The following RXRA variants were observed in gnomAD, a reference collection of about 807,000 sequenced individuals.
RXRA encodes retinoid X receptor alpha.
A neutral mutation model predicts 44.5 loss-of-function variants in RXRA; 5 were observed. The observed-to-expected ratio is 0.11, with a 90% CI of 0.06 to 0.24. The LOEUF is 0.24. Ranked by LOEUF, RXRA falls within the 10% of genes least tolerant of loss-of-function variation. The pLI, the probability that RXRA is intolerant of heterozygous loss-of-function variation, is 1.00. For missense variants in RXRA, 412 were observed against 646.5 expected, an observed-to-expected ratio of 0.64 and a Z score of 3.93; for synonymous variants, 291 against 271.4, an observed-to-expected ratio of 1.07 and a Z score of -0.71.
At chr9:134,402,168 T>G in intron 2 of RXRA, 95 of 466,936 alleles carry the variant, frequency 2.0e-4, no homozygotes, top group Middle Eastern at 5.6e-4. Context: ...GGACTCCCTG[T>G]TCCCATGACT....
At chr9:134,428,936 G>A (rs1459057084) in intron 6 of RXRA, among the ~76,000 whole-genome samples, 172 bp from the exon 7 acceptor site, 1 of 152,196 alleles carries the variant, frequency 6.6e-6, no homozygotes, top group African/African-American at 2.4e-5. Flanking sequence ...ACTGTAGAAC[G>A]GGCATTCTCA....
intron 1 of RXRA, among the ~76,000 whole-genome samples, chr9:134,390,429 G>T (rs1830782915): frequency 6.6e-6 from 1 of 152,204 alleles, no homozygotes; most frequent in African/African-American, 2.4e-5. Flanking sequence ...GACAGTGGGT[G>T]GGGGGCCAGG....
chr9:134,425,053 T>A (rs2119195263), intron 6 of RXRA: 3 of 985,434 alleles, frequency 3.0e-6, no homozygotes, highest in South Asian at 9.4e-5. Flanking sequence ...CCCACCATCG[T>A]GAGAGCCATT....
chr9:134,368,285 C>T (rs910273818), intron 1 of RXRA, among the ~76,000 whole-genome samples: 4 of 152,356 alleles, frequency 2.6e-5, no homozygotes, highest in Non-Finnish European at 5.9e-5. Flanking sequence ...AGCCAGGTGC[C>T]TGTGAGGTGC....
intron 7 of RXRA, among the ~76,000 whole-genome samples, chr9:134,430,935 C>G (rs924409448): frequency 6.6e-6 from 1 of 152,248 alleles, no homozygotes; most frequent in African/African-American, 2.4e-5. Context: ...CCCCATCCCT[C>G]TGCAGCTGTG....
chr9:134,367,970 G>C (rs564628381), intron 1 of RXRA, among the ~76,000 whole-genome samples: 1 of 152,360 alleles, frequency 6.6e-6, no homozygotes, highest in East Asian at 1.9e-4. Context: ...GGAGATGCTC[G>C]GCCGATAAGC....
intron 1 of RXRA, among the ~76,000 whole-genome samples, chr9:134,398,884 G>T (rs555456151): frequency 6.6e-6 from 1 of 152,368 alleles, no homozygotes; most frequent in East Asian, 1.9e-4. Context: ...TCCCTGCATG[G>T]CCCGGCCTCC....
At chr9:134,333,966 A>C (rs561202697) in intron 1 of RXRA, among the ~76,000 whole-genome samples, 5 of 152,340 alleles carry the variant, frequency 3.3e-5, no homozygotes, top group African/African-American at 1.2e-4. Context: ...GGTGCCCAGC[A>C]GCCCCCTTGG....
intron 6 of RXRA, chr9:134,422,658 C>T (rs1401049879): frequency 4.2e-5 from 41 of 982,420 alleles, no homozygotes; most frequent in Non-Finnish European, 4.8e-5. Context: ...TCCCCACTCC[C>T]CGGACACTCC....
rs1294402174 is a variant in RXRA, at chr9:134,349,374, C to T, written c.28+22715C>T. On this transcript the variant is annotated intron_variant, in intron 1 of 9. Coordinates refer to ENST00000481739, the MANE Select transcript of RXRA (RefSeq NM_002957.6). This position sits in a 1 kb window ranked among gnomAD's most constrained non-coding sequence, Gnocchi z 4.3. ...TGGAGGGCTTCGCCGAGCTTGGTGGCAGGGAGGGAAGGCCTCTCCACGGGG... is the reference window on the plus strand; with the variant it reads ...TGGAGGGCTTCGCCGAGCTTGGTGGTAGGGAGGGAAGGCCTCTCCACGGGG... Among the ~76,000 whole-genome samples the T allele has an allele frequency of 6.6e-6, 1 of 152,148 alleles. No homozygotes were observed. Among genetic ancestry groups the T allele is most frequent in the East Asian group, 1.9e-4 (1 of 5,176 alleles).
chr9:134,404,138 C>G (rs1159861604), intron 2 of RXRA: 1 of 152,272 alleles, frequency 6.6e-6, no homozygotes, highest in East Asian at 1.9e-4. Context: ...AAAACCACAA[C>G]CGCAAAGTCA....
intron 6 of RXRA, chr9:134,424,224 C>T (rs1190629523): frequency 3.0e-6 from 3 of 985,266 alleles, no homozygotes; most frequent in Non-Finnish European, 3.6e-6. Context: ...GTGGGGGCTC[C>T]CCGCAAGGCC....
intron 1 of RXRA, among the ~76,000 whole-genome samples, chr9:134,346,889 C>T (rs941981228): frequency 2.6e-5 from 4 of 152,174 alleles, no homozygotes; most frequent in African/African-American, 7.2e-5. Flanking sequence ...ACCCCACCAG[C>T]GCTTCACTGC....
intron 9 of RXRA, among the ~76,000 whole-genome samples, chr9:134,436,022 C>G (rs964689053): frequency 6.6e-6 from 1 of 152,182 alleles, no homozygotes; most frequent in Non-Finnish European, 1.5e-5. Context: ...TTCTCTTTTT[C>G]TTTTGTAGAG....
intron 1 of RXRA, among the ~76,000 whole-genome samples, chr9:134,361,064 A>T (rs890681293): frequency 1.3e-5 from 2 of 152,208 alleles, no homozygotes; most frequent in East Asian, 1.9e-4. Context: ...CGGCCCTGCC[A>T]GGCATCTTAT....
At position 134,426,862 on chromosome 9, in the gene RXRA, T is replaced by C; in HGVS notation, c.911-2246T>C. On this transcript the variant is annotated intron_variant, in intron 6 of 9. Coordinates refer to ENST00000481739, the MANE Select transcript of RXRA (RefSeq NM_002957.6). This position sits in a 1 kb window ranked among gnomAD's most constrained non-coding sequence, Gnocchi z 4.6. ...CCTCGGCCCCCTGGGTCCCTGCCCT[T>C]GGCCACAGGAAGTCTGTCCACACTG... is the stretch of plus-strand genomic sequence containing the variant. The C allele has an allele frequency of 1.0e-6, 1 of 985,372 alleles. No homozygotes were observed. The highest frequency in any genetic ancestry group is 1.2e-6 in the Non-Finnish European group (1 of 829,912). The allele number at this position is 985,372 out of a possible 1,614,324, so 61.0% of individuals were successfully genotyped here.
chr9:134,358,733 A>G (rs1830314795), intron 1 of RXRA, among the ~76,000 whole-genome samples: 1 of 151,750 alleles, frequency 6.6e-6, no homozygotes, highest in Non-Finnish European at 1.5e-5. Flanking sequence ...TGAGACAAGC[A>G]GTTTCCAGGG....
At chr9:134,355,792 C>T (rs544879262) in intron 1 of RXRA, among the ~76,000 whole-genome samples, 1 of 152,212 alleles carries the variant, frequency 6.6e-6, no homozygotes, top group East Asian at 1.9e-4. Flanking sequence ...GTTGTGCAAC[C>T]TGCAGCTGTG....
chr9:134,382,965 C>A (rs935351240), intron 1 of RXRA, among the ~76,000 whole-genome samples: 2 of 152,196 alleles, frequency 1.3e-5, no homozygotes, highest in Non-Finnish European at 2.9e-5. Flanking sequence ...GTTAGCGAGA[C>A]CCTGGCTGAA....
Sources: gnomAD v4.1 joint callset for allele counts (sites outside exome capture counted in the v4.1 genomes callset) on GRCh38, gnomAD v4.1.1 for gene constraint, Gnocchi (gnomAD v3.1) non-coding constraint, MANE v1.5 for transcripts, NCBI Gene and HGNC (gene_info 2026-07-23, HGNC 2026-07-21) for gene names.